VEPH1: variants seen among roughly 807,000 people sequenced by gnomAD.
VEPH1 encodes the protein ventricular zone expressed PH domain containing 1.
VEPH1 carries 80 observed loss-of-function variants against 85.2 expected under a neutral mutation model. The observed-to-expected ratio is 0.94, with a 90% confidence interval of 0.78 to 1.13. The LOEUF (loss-of-function observed/expected upper bound fraction) is 1.13, where lower values mean the gene tolerates loss of function less well. Ranked by LOEUF, VEPH1 falls within the 50% of genes most tolerant of loss-of-function variation. The pLI, the probability that VEPH1 is intolerant of heterozygous loss-of-function variation, is 0.00. For missense variants in VEPH1, 955 were observed against 980.5 expected (o/e 0.97, Z 0.35); for synonymous variants, 297 against 348.0 (o/e 0.85, Z 1.63).
chr3:157,449,882 T>C (rs2109298298), intron 4 of VEPH1, among the ~76,000 whole-genome samples: 1 of 151,826 alleles, frequency 6.6e-6, no homozygotes, highest in African/African-American at 2.4e-5. Context: ...ACATTTCCTG[T>C]GGGTATTGTA....
Position 157,348,014 on chromosome 3 carries a change from G to A in VEPH1, c.1735+15350C>T, listed in dbSNP as rs563176487. ...GGCCACTGCACCTGTCCCACACTGG[G>A]GGTCCATCTTCATTCCACCTAGCCA... On this transcript the variant is annotated intron_variant, in intron 9 of 13. Transcript: ENST00000362010. Among the ~76,000 whole-genome samples, 186 of 152,336 alleles carry A rather than the reference G, an allele frequency of 1.2e-3. 1 individual carries two copies. Among genetic ancestry groups the A allele is most frequent in the African/African-American group, 3.9e-3 (161 of 41,588 alleles).
At chr3:157,438,047 A>G (rs936207301) in intron 4 of VEPH1, 18 of 705,436 alleles carry the variant, frequency 2.6e-5, no homozygotes, top group Admixed American at 1.4e-4. Context: ...GCACACACAC[A>G]CACACACACA....
chr3:157,421,806 C>T (rs922709803), intron 5 of VEPH1, among the ~76,000 whole-genome samples: 3 of 152,078 alleles, frequency 2.0e-5, no homozygotes, highest in East Asian at 1.9e-4. Context: ...TGACAGGAAA[C>T]GGGACTCCAC....
At chr3:157,402,224 C>T (rs985251037) in intron 6 of VEPH1, among the ~76,000 whole-genome samples, 5 of 152,124 alleles carry the variant, frequency 3.3e-5, no homozygotes, top group African/African-American at 4.8e-5. Context: ...GTAACTTTTG[C>T]TGTTGCCCCT....
intron 11 of VEPH1, among the ~76,000 whole-genome samples, chr3:157,287,379 AAT>A (rs1202876261): frequency 4.0e-5 from 6 of 149,540 alleles, no homozygotes; most frequent in Admixed American, 6.7e-5. Flanking sequence ...TGTCTCAAAA[AAT>A]ATATATATAT....
At chr3:157,380,779 C>T (rs1728668908) in intron 7 of VEPH1, among the ~76,000 whole-genome samples, 1 of 152,180 alleles carries the variant, frequency 6.6e-6, no homozygotes, top group African/African-American at 2.4e-5. Context: ...TTCTTGAATA[C>T]AAGAAACCTG....
At chr3:157,413,548 G>A (rs1731678966) in intron 6 of VEPH1, 1 of 985,184 alleles carries the variant, frequency 1.0e-6, no homozygotes, top group South Asian at 4.7e-5. Flanking sequence ...ATCTTTCAGT[G>A]CTCTCTCCAT....
rs75194357 is a variant in VEPH1, at chr3:157,278,864, G to C, written c.2128+7693C>G. On this transcript the variant is annotated intron_variant, in intron 12 of 13. Transcript: ENST00000362010. ...GAAGAAGAGTAAGTGTTTGGGGGAA[G>C]CAAAGAGACAATCATGAGTTTTAAT... is the stretch of plus-strand genomic sequence containing the variant. 4.1e-3 allele frequency among the ~76,000 whole-genome samples: 624 copies of C among 152,220 alleles called. 2 individuals carry two copies. The highest frequency in any genetic ancestry group is 0.013 in the South Asian group (65 of 4,830).
chr3:157,276,623 T>A (rs144232841), intron 12 of VEPH1, among the ~76,000 whole-genome samples: 1,607 of 152,330 alleles, frequency 0.011, 37 homozygotes, highest in African/African-American at 0.037. Context: ...GATGGCAGTA[T>A]AAGCTTACAT....
intron 2 of VEPH1, among the ~76,000 whole-genome samples, chr3:157,473,067 CTTTTT>C (rs200991031): frequency 1.2e-5 from 1 of 82,692 alleles, no homozygotes; most frequent in Admixed American, 1.6e-4. Context: ...TTAAATGAAC[CTTTTT>C]TTTTTTTTTT....
At chr3:157,462,355 G>T (rs1327234968) in intron 3 of VEPH1, among the ~76,000 whole-genome samples, 3 of 152,032 alleles carry the variant, frequency 2.0e-5, no homozygotes, top group Admixed American at 2.0e-4. Flanking sequence ...CTTTTAAATA[G>T]ATGCAAAAGT....
chr3:157,315,367 T>C (rs1705106900), intron 10 of VEPH1, among the ~76,000 whole-genome samples: 1 of 152,096 alleles, frequency 6.6e-6, no homozygotes, highest in African/African-American at 2.4e-5. Context: ...TGAATACATC[T>C]GATAAATTAT....
At chr3:157,415,138 T>C (rs1423132120) in intron 5 of VEPH1, 2 of 152,152 alleles carry the variant, frequency 1.3e-5, no homozygotes, top group African/African-American at 2.4e-5. Flanking sequence ...CAGCAGCTGT[T>C]ATCCAAGCAA....
At chr3:157,388,266 C>T (rs1487153300) in intron 6 of VEPH1, among the ~76,000 whole-genome samples, 2 of 152,112 alleles carry the variant, frequency 1.3e-5, no homozygotes, top group African/African-American at 2.4e-5. Context: ...GCCAGTGATG[C>T]TTAACTGCCT....
At chr3:157,270,381 A>C (rs975285387) in intron 12 of VEPH1, among the ~76,000 whole-genome samples, 7 of 152,160 alleles carry the variant, frequency 4.6e-5, no homozygotes, top group Non-Finnish European at 8.8e-5. Flanking sequence ...TTAAAATATC[A>C]ACTGGCTATA....
chr3:157,404,022 G>A (rs150768702), intron 6 of VEPH1, among the ~76,000 whole-genome samples: 1 of 152,124 alleles, frequency 6.6e-6, no homozygotes, highest in South Asian at 2.1e-4. Flanking sequence ...GACCACATGG[G>A]ATGGAGACCG....
At chr3:157,496,740 CT>C (rs1448635012) in intron 1 of VEPH1, among the ~76,000 whole-genome samples, 3 of 152,198 alleles carry the variant, frequency 2.0e-5, no homozygotes, top group Non-Finnish European at 4.4e-5. Context: ...GACACATACT[CT>C]TCAAACACCA....
intron 12 of VEPH1, among the ~76,000 whole-genome samples, chr3:157,272,446 T>C (rs1463484585): frequency 6.7e-6 from 1 of 148,178 alleles, no homozygotes; most frequent in Admixed American, 6.8e-5. Context: ...TTTCCTTCTC[T>C]CTCTCTCTTT....
At chr3:157,482,755 T>C (rs2109617313) in intron 2 of VEPH1, among the ~76,000 whole-genome samples, 1 of 152,298 alleles carries the variant, frequency 6.6e-6, no homozygotes, top group South Asian at 2.1e-4. Flanking sequence ...GCAGCTATTG[T>C]AAATGGGATT....
Sources: allele counts gnomAD v4.1 joint callset (sites outside exome capture counted in the v4.1 genomes callset), GRCh38; gene constraint gnomAD v4.1.1; transcripts MANE v1.5; gene names NCBI Gene and HGNC (gene_info 2026-07-23, HGNC 2026-07-21).